BEND7: variants seen among roughly 807,000 people sequenced by gnomAD.
BEND7 encodes the protein BEN domain-containing protein 7.
In BEND7, 28 loss-of-function variants were observed where a neutral mutation model predicts 50.9. That is an observed-to-expected ratio of 0.55 (90% CI 0.41 to 0.75). The LOEUF (loss-of-function observed/expected upper bound fraction) is 0.75, where lower values mean the gene tolerates loss of function less well. Among genes scored for constraint, BEND7 ranks in the 30% least tolerant of loss-of-function variants. The pLI is 0.00. For missense variants in BEND7, 477 were observed against 491.3 expected (o/e 0.97, Z 0.28); for synonymous variants, 170 against 183.9 (o/e 0.92, Z 0.61).
intron 5 of BEND7, among the ~76,000 whole-genome samples, chr10:13,487,810 A>G (rs530040743): frequency 4.6e-5 from 7 of 152,180 alleles, no homozygotes; most frequent in Non-Finnish European, 1.0e-4. Flanking sequence ...ACAGATTTCA[A>G]GGCCGGGCAT....
intron 6 of BEND7, among the ~76,000 whole-genome samples, chr10:13,477,139 CATTT>C (rs2131638799): frequency 6.6e-6 from 1 of 152,206 alleles, no homozygotes; most frequent in African/African-American, 2.4e-5. Context: ...GATTTTCATT[CATTT>C]TTTTCCCATT....
intron 2 of BEND7, among the ~76,000 whole-genome samples, chr10:13,507,423 A>G (rs984605727): frequency 1.3e-5 from 2 of 152,158 alleles, no homozygotes; most frequent in African/African-American, 2.4e-5. Context: ...CTACCGCTAC[A>G]CTATTACACT....
chr10:13,503,229 G>A (rs1399534135), intron 2 of BEND7, among the ~76,000 whole-genome samples: 2 of 152,210 alleles, frequency 1.3e-5, no homozygotes, highest in Non-Finnish European at 2.9e-5. Flanking sequence ...GGCTGCGCCT[G>A]CCGTGTGCAG....
intron 6 of BEND7, among the ~76,000 whole-genome samples, chr10:13,465,656 TTTA>T (rs902707943): frequency 6.6e-6 from 1 of 152,110 alleles, no homozygotes. Context: ...CCTGGAGGCT[TTTA>T]TTATTATTAT....
Position 13,486,357 on chromosome 10 carries a change from T to A in BEND7, c.838-5233A>T, listed in dbSNP as rs1169085310. On this transcript the variant is annotated intron_variant, in intron 5 of 8. Transcript: ENST00000466271. ...CATTTATTAAATCCTATGCTGAGAATATAGCCCATGAGGAGGGTAGCCACA... is the reference window on the plus strand; with the variant it reads ...CATTTATTAAATCCTATGCTGAGAAAATAGCCCATGAGGAGGGTAGCCACA... Among the ~76,000 whole-genome samples, 5 of 152,282 alleles carry A rather than the reference T, an allele frequency of 3.3e-5. No individual in the cohort carries two copies. In the East Asian group the frequency reaches 9.7e-4, roughly 29 times the overall value.
At position 13,528,673 on chromosome 10, in the gene BEND7, A is replaced by G. The variant is rs10906401; in HGVS notation, c.-140T>C. The G allele has an allele frequency of 1, 313,586 of 314,940 alleles. 156,144 individuals carry two copies. The highest frequency in any genetic ancestry group is 1 in the Middle Eastern group (644 of 644). The allele number at this position is 314,940 out of a possible 1,614,324, so 19.5% of individuals were successfully genotyped here. On this transcript the variant is annotated 5_prime_UTR_variant, in exon 1 of 9. Transcript: ENST00000466271. The stretch of plus-strand genomic sequence containing the variant: ...CCAAGGTCCGCGCCTGGAGTCGGCG[A>G]GGGGAGGCCGCGGGACGGGAGGAAC...
chr10:13,486,176 G>A (rs1306554576), intron 5 of BEND7, among the ~76,000 whole-genome samples: 1 of 152,192 alleles, frequency 6.6e-6, no homozygotes, highest in Non-Finnish European at 1.5e-5. Flanking sequence ...ACCCTGCCCA[G>A]CAAATTTTTA....
intron 2 of BEND7, among the ~76,000 whole-genome samples, chr10:13,515,281 A>G (rs904551948): frequency 2.6e-5 from 4 of 152,240 alleles, no homozygotes. Context: ...ATTTTATGGA[A>G]CTATAAAAGT....
At position 13,528,605 on chromosome 10, in the gene BEND7, AGCGGCGGCGCG is replaced by A. The variant is rs2079570260; in HGVS notation, c.-83_-73del. 1.2e-5 allele frequency: 9 copies of A among 741,556 alleles called. No individual in the cohort carries two copies. The highest frequency in any genetic ancestry group is 1.2e-4 in the South Asian group (2 of 16,434). The allele number at this position is 741,556 out of a possible 1,614,324, so 45.9% of individuals were successfully genotyped here. Reference sequence around the variant, plus strand: ...CGGCAGCGGCAGCGGCGGCAGCGGCAGCGGCGGCGCGGGCTCGTGTCACCGCGGCGGAGCCG... The same window carrying A: ...CGGCAGCGGCAGCGGCGGCAGCGGCAGGCTCGTGTCACCGCGGCGGAGCCG... On this transcript the variant is annotated 5_prime_UTR_variant, in exon 1 of 9. Coordinates refer to ENST00000466271, the MANE Select transcript of BEND7 (RefSeq NM_001369863.1).
intron 8 of BEND7, chr10:13,444,460 T>C (rs1359863579): frequency 6.6e-6 from 1 of 152,182 alleles, no homozygotes; most frequent in African/African-American, 2.4e-5. Flanking sequence ...TACACAACTT[T>C]GGAAGGAGGA....
At chr10:13,475,122 G>T (rs1166227163) in intron 6 of BEND7, among the ~76,000 whole-genome samples, 3 of 152,190 alleles carry the variant, frequency 2.0e-5, no homozygotes, top group African/African-American at 7.2e-5. Context: ...GATTCAACAT[G>T]ACCTCTTTGT....
At chr10:13,500,312 G>C (rs1174186443) in intron 2 of BEND7, among the ~76,000 whole-genome samples, 1 of 152,206 alleles carries the variant, frequency 6.6e-6, no homozygotes, top group East Asian at 1.9e-4. Flanking sequence ...CGCTTATGAT[G>C]AAAGAGGTTT....
At chr10:13,492,140 G>A (rs1278489492) in intron 5 of BEND7, among the ~76,000 whole-genome samples, 2 of 152,062 alleles carry the variant, frequency 1.3e-5, no homozygotes, top group African/African-American at 2.4e-5. Context: ...ATGGCATGGC[G>A]CTGCCACCTA....
chr10:13,485,782 T>C (rs142214886), intron 5 of BEND7, among the ~76,000 whole-genome samples: 1 of 152,380 alleles, frequency 6.6e-6, no homozygotes, highest in East Asian at 1.9e-4. Context: ...ATAAATGTGA[T>C]ATGCTTCTGT....
intron 2 of BEND7, chr10:13,502,941 G>C: frequency 2.0e-6 from 2 of 985,216 alleles, no homozygotes; most frequent in Non-Finnish European, 2.4e-6. Context: ...TCCTGCCAAA[G>C]GTCCTGCCTC....
At chr10:13,519,147 T>A (rs564584868) in intron 2 of BEND7, among the ~76,000 whole-genome samples, 153 of 152,202 alleles carry the variant, frequency 1.0e-3, no homozygotes, top group Non-Finnish European at 1.6e-3. Flanking sequence ...AAGAGTAATG[T>A]TATTACTTAG....
At chr10:13,503,470 T>G (rs2077631324) in intron 2 of BEND7, among the ~76,000 whole-genome samples, 1 of 152,128 alleles carries the variant, frequency 6.6e-6, no homozygotes, top group South Asian at 2.1e-4. Flanking sequence ...CCCAGCACTT[T>G]GGGAGGCTGA....
At position 13,526,207 on chromosome 10, in the gene BEND7, C is replaced by A. The variant is rs1055965402; in HGVS notation, c.76G>T (p.Val26Leu). ...TTGCTGAATTCTGGGATCTTATACA[C>A]CTCGTGGTGATAATCTGGCATGAGA... is the stretch of plus-strand genomic sequence containing the variant. The part of the protein sequence containing the change: ...KLVSRDYHHE[V>L]YKIPEFSNDV... The change falls in exon 2 of 9, where the codon GTG becomes TTG. Residue 26 changes from valine (V) to leucine (L), a missense_variant. Physicochemically the swap from Val to Leu is conservative, Grantham distance 32 (BLOSUM62 1). This residue lies in a region of BEND7 where 396 missense variants were observed against 384.2 expected (regional missense o/e 1.03). Transcript: ENST00000466271. 7.8e-7 allele frequency: 1 copy of A among 1,288,398 alleles called. No individual in the cohort carries two copies. The highest frequency in any genetic ancestry group is 2.3e-5 in the Admixed American group (1 of 43,334). The allele number at this position is 1,288,398 out of a possible 1,614,324, so 79.8% of individuals were successfully genotyped here. A position where few individuals can be genotyped will look rare whatever the true frequency, so the allele number is the denominator to read the frequency against.
At chr10:13,485,604 G>T (rs1373647203) in intron 5 of BEND7, among the ~76,000 whole-genome samples, 1 of 152,194 alleles carries the variant, frequency 6.6e-6, no homozygotes, top group Non-Finnish European at 1.5e-5. Context: ...TCATAAGAGT[G>T]CTTAAAGGAT....
Sources: allele counts gnomAD v4.1 joint callset (sites outside exome capture counted in the v4.1 genomes callset), GRCh38; gene constraint gnomAD v4.1.1; regional missense constraint gnomAD v4.1.1; transcripts MANE v1.5; gene names NCBI Gene and HGNC (gene_info 2026-07-23, HGNC 2026-07-21).